NEO1: variants seen among roughly 807,000 people sequenced by gnomAD.
The protein encoded by NEO1 is neogenin 1.
A neutral mutation model predicts 159.7 loss-of-function variants in NEO1; 63 were observed. The observed-to-expected ratio is 0.39, with a 90% CI of 0.32 to 0.49. NEO1 has a LOEUF of 0.49. Ranked by LOEUF, NEO1 falls within the 20% of genes least tolerant of loss-of-function variation. The pLI is 0.85. For missense variants in NEO1, 1,615 were observed against 1,831.0 expected, an observed-to-expected ratio of 0.88 and a Z score of 2.15; for synonymous variants, 633 against 662.0, an observed-to-expected ratio of 0.96 and a Z score of 0.67.
At chr15:73,122,874 A>G in intron 3 of NEO1, 74 bp downstream of exon 3, 2 of 1,563,676 alleles carry the variant, frequency 1.3e-6, no homozygotes, top group Non-Finnish European at 1.7e-6. Flanking sequence ...GAATTTTTAA[A>G]AATAATGAAT....
chr15:73,205,886 T>A (rs1336683173), intron 7 of NEO1, among the ~76,000 whole-genome samples: 1 of 152,168 alleles, frequency 6.6e-6, no homozygotes, highest in African/African-American at 2.4e-5. Flanking sequence ...GGCTATATTT[T>A]TAATTTTCAA....
intron 1 of NEO1, among the ~76,000 whole-genome samples, chr15:73,077,905 A>G (rs1039847872): frequency 2.0e-5 from 3 of 152,192 alleles, no homozygotes; most frequent in African/African-American, 7.2e-5. Context: ...AAGGCTGGGT[A>G]CATGGTTCCT....
At chr15:73,278,049 G>C (rs531624625) in intron 21 of NEO1, 82 bp from the exon 22 acceptor site, 2 of 1,247,866 alleles carry the variant, frequency 1.6e-6, no homozygotes. Flanking sequence ...TGTGTTTTTT[G>C]TTTAAAACAC....
At chr15:73,273,616 G>C (rs937965985) in intron 19 of NEO1, among the ~76,000 whole-genome samples, 195 bp from the exon 20 acceptor site, 2 of 152,064 alleles carry the variant, frequency 1.3e-5, no homozygotes, top group Non-Finnish European at 2.9e-5. Flanking sequence ...AGATCACATC[G>C]GTAAGAGCTA....
chr15:73,228,985 TAGTAAATTTTGAAGTAC>T (rs1179100865), intron 7 of NEO1, among the ~76,000 whole-genome samples: 1 of 152,188 alleles, frequency 6.6e-6, no homozygotes, highest in Non-Finnish European at 1.5e-5. Context: ...ATTTTGAAAT[TAGTAAATTTTGAAGTAC>T]AGTAAATTTT....
At chr15:73,060,408 C>A (rs1042657636) in intron 1 of NEO1, among the ~76,000 whole-genome samples, 1 of 151,862 alleles carries the variant, frequency 6.6e-6, no homozygotes, top group Non-Finnish European at 1.5e-5. Flanking sequence ...GGACTACAGG[C>A]GTGCACCACC....
chr15:73,211,337 G>C lies in NEO1; in HGVS notation c.1292-25010G>C, dbSNP rs928216040. ...TTCCGCTTGGAGCCACTTTTCTGTA[G>C]CATAAGATGCCCCATTTATGAACAG... On this transcript the variant is annotated intron_variant, in intron 7 of 28. Coordinates refer to ENST00000261908, the MANE Select transcript of NEO1 (RefSeq NM_002499.4). Among the ~76,000 whole-genome samples, 123 of 152,320 alleles carry C rather than the reference G, an allele frequency of 8.1e-4. 1 individual carries two copies. The highest frequency in any genetic ancestry group is 2.9e-3 in the African/African-American group (120 of 41,572).
chr15:73,213,797 G>C (rs963473108), intron 7 of NEO1, among the ~76,000 whole-genome samples: 3 of 152,296 alleles, frequency 2.0e-5, no homozygotes, highest in Admixed American at 6.5e-5. Flanking sequence ...TAGTGGGATT[G>C]CTGGATCAAA....
upstream of NEO1, among the ~76,000 whole-genome samples, chr15:73,052,291 C>T (rs8031255): frequency 9.5e-6 from 1 of 105,140 alleles, no homozygotes; most frequent in African/African-American, 3.6e-5. Flanking sequence ...GCGCCCGGGA[C>T]TCCCGCCCCC....
At chr15:73,076,891 CCTT>C (rs1297272231) in intron 1 of NEO1, among the ~76,000 whole-genome samples, 2 of 152,224 alleles carry the variant, frequency 1.3e-5, no homozygotes, top group African/African-American at 2.4e-5. Context: ...TTTCTTAGGT[CCTT>C]CTTCTCTCCA....
intron 1 of NEO1, among the ~76,000 whole-genome samples, chr15:73,090,059 A>G (rs74022175): frequency 1.2e-3 from 182 of 152,342 alleles, no homozygotes; most frequent in African/African-American, 4.2e-3. Context: ...TGTTCACACT[A>G]ATAGCATGGA....
At chr15:73,281,992 C>T (rs1396346302) in intron 22 of NEO1, among the ~76,000 whole-genome samples, 1 of 152,208 alleles carries the variant, frequency 6.6e-6, no homozygotes, top group African/African-American at 2.4e-5. Context: ...GGTCCAGCCT[C>T]TGCAGCTTTT....
intron 1 of NEO1, among the ~76,000 whole-genome samples, chr15:73,087,468 G>T (rs566676430): frequency 6.6e-6 from 1 of 152,248 alleles, no homozygotes; most frequent in East Asian, 1.9e-4. Flanking sequence ...TAGTTTTCTT[G>T]TACTGTCTTT....
At chr15:73,138,943 A>G (rs548788646) in intron 5 of NEO1, among the ~76,000 whole-genome samples, 1 of 152,244 alleles carries the variant, frequency 6.6e-6, no homozygotes, top group Non-Finnish European at 1.5e-5. Context: ...AGGCTTATAA[A>G]AAGCTGTGCA....
Position 73,130,419 on chromosome 15 carries a change from CAAAA to C in NEO1, c.878+3853_878+3856del, listed in dbSNP as rs528041156. ...ACCTGGAAATCCTACTAGGCACAAA[CAAAA>C]AAAGCCTCAACAGAAGGTGCTCTCT... On this transcript the variant is annotated intron_variant, in intron 4 of 28. Coordinates refer to ENST00000261908, the MANE Select transcript of NEO1 (RefSeq NM_002499.4). 1.8e-3 allele frequency among the ~76,000 whole-genome samples: 270 copies of C among 151,642 alleles called. 1 individual carries two copies. Among genetic ancestry groups the C allele is most frequent in the African/African-American group, 6.4e-3 (263 of 41,404 alleles).
intron 26 of NEO1, 132 bp downstream of exon 26, chr15:73,293,680 C>T (rs2042245916): frequency 2.6e-5 from 25 of 956,498 alleles, no homozygotes; most frequent in Non-Finnish European, 3.8e-5. Context: ...CATAACATTT[C>T]TGTGACTGAC....
At position 73,063,625 on chromosome 15, in the gene NEO1, TTTTGTTTG is replaced by T. The variant is rs142986643; in HGVS notation, c.130+10844_130+10851del. Among the ~76,000 whole-genome samples, 180 of 150,854 alleles carry T rather than the reference TTTTGTTTG, an allele frequency of 1.2e-3. 1 individual carries two copies. Among genetic ancestry groups the T allele is most frequent in the East Asian group, 6.0e-3 (31 of 5,128 alleles). Reference sequence around the variant, plus strand: ...GTAGGGTTTTTAGATGCGCAGCCTTTTTTGTTTGTTTGTTTGTTTGTTTGTTTGTTTTT... The same window carrying T: ...GTAGGGTTTTTAGATGCGCAGCCTTTTTTGTTTGTTTGTTTGTTTGTTTTT... On this transcript the variant is annotated intron_variant, in intron 1 of 28. Coordinates refer to ENST00000261908, the MANE Select transcript of NEO1 (RefSeq NM_002499.4).
Position 73,249,649 on chromosome 15 carries a change from C to T in NEO1, c.1822C>T (p.Arg608Ter). ...GLKKYTEYSF[R>*]VVAYNKHGPG... ...GAAAAAATATACAGAGTATAGTTTCCGAGTGGTGGCCTACAATAAACATGG... is the reference window on the plus strand; with the variant it reads ...GAAAAAATATACAGAGTATAGTTTCTGAGTGGTGGCCTACAATAAACATGG... The change falls in exon 11 of 29, where the codon CGA (arginine) becomes TGA (stop). Residue 608 changes from arginine to a stop codon, truncating the protein, a stop_gained. Transcript: ENST00000261908. LOFTEE classifies it high-confidence loss of function. 1 of 1,613,718 alleles carries T rather than the reference C, an allele frequency of 6.2e-7. No homozygotes were observed. The highest frequency in any genetic ancestry group is 8.5e-7 in the Non-Finnish European group (1 of 1,179,894).
chr15:73,091,521 C>A (rs1024525773), intron 1 of NEO1, among the ~76,000 whole-genome samples: 2 of 151,992 alleles, frequency 1.3e-5, no homozygotes, highest in Middle Eastern at 6.3e-3. Flanking sequence ...TCTGCTTTTG[C>A]GCATAGTGAA....
Sources: allele counts gnomAD v4.1 joint callset (sites outside exome capture counted in the v4.1 genomes callset), GRCh38; gene constraint gnomAD v4.1.1; transcripts MANE v1.5; gene names NCBI Gene and HGNC (gene_info 2026-07-23, HGNC 2026-07-21).